Variants in NOL10 observed in about 807,000 individuals in gnomAD.
NOL10 encodes nucleolar protein 10, also known as H_NH0074G24.1.
A neutral mutation model predicts 103.5 loss-of-function variants in NOL10; 58 were observed. That is an observed-to-expected ratio of 0.56 (90% CI 0.45 to 0.70). NOL10 has a LOEUF of 0.70. Ranked by LOEUF, NOL10 falls within the 30% of genes least tolerant of loss-of-function variation. The pLI is 0.00. For synonymous variants in NOL10, 287 were observed against 282.5 expected (o/e 1.02, Z -0.16); for missense variants, 763 against 807.3 (o/e 0.95, Z 0.67).
At chr2:10,659,047 A>G (rs1470262875) in intron 10 of NOL10, 125 bp downstream of exon 10, 2 of 686,940 alleles carry the variant, frequency 2.9e-6, no homozygotes, top group Non-Finnish European at 5.2e-6. Flanking sequence ...GCATTCTGGA[A>G]TACCCTCTGG....
chr2:10,675,760 AT>A, intron 4 of NOL10, 33 bp downstream of exon 4: 2 of 1,271,396 alleles, frequency 1.6e-6, no homozygotes, highest in South Asian at 1.4e-5. Flanking sequence ...ATAAAAAGCC[AT>A]TTTCATGAAT....
intron 19 of NOL10, 41 bp from the exon 20 acceptor site, chr2:10,577,779 T>C (rs1470777998): frequency 1.5e-6 from 2 of 1,316,516 alleles, no homozygotes; most frequent in Admixed American, 4.1e-5. Flanking sequence ...ATCAAAATTA[T>C]GTTTTAATTT....
rs763949686 is a variant in NOL10 at position 10,607,168 on chromosome 2, C to A, written c.1153+17G>T. 3 of 1,495,076 alleles carry A rather than the reference C, an allele frequency of 2.0e-6. No individual in the cohort carries two copies. The highest frequency in any genetic ancestry group is 1.3e-5 in the South Asian group (1 of 78,090). The allele number at this position is 1,495,076 out of a possible 1,614,324, so 92.6% of individuals were successfully genotyped here. A position where few individuals can be genotyped will look rare whatever the true frequency, so the allele number is the denominator to read the frequency against. On this transcript the variant is annotated intron_variant, in intron 14 of 20. Coordinates refer to ENST00000381685, the MANE Select transcript of NOL10 (RefSeq NM_024894.4). ...ATAAAGTAATTACATAATATTTCAT[C>A]ACAATTTTTTTTTTACCTAAATTTT...
intron 13 of NOL10, among the ~76,000 whole-genome samples, chr2:10,616,870 G>T (rs1676860973): frequency 6.6e-6 from 1 of 152,048 alleles, no homozygotes; most frequent in Non-Finnish European, 1.5e-5. Context: ...ATAAGAACAG[G>T]TTGCCTAAGC....
At chr2:10,652,150 G>C (rs1679507958) in intron 12 of NOL10, among the ~76,000 whole-genome samples, 1 of 152,016 alleles carries the variant, frequency 6.6e-6, no homozygotes, top group African/African-American at 2.4e-5. Flanking sequence ...TGAGGCAGGA[G>C]AATCGCTTGA....
At chr2:10,648,997 T>C (rs1388755851) in intron 12 of NOL10, among the ~76,000 whole-genome samples, 1 of 151,982 alleles carries the variant, frequency 6.6e-6, no homozygotes, top group Non-Finnish European at 1.5e-5. Flanking sequence ...AAAAAGGGCA[T>C]ATGGGGAACA....
chr2:10,664,901 T>C (rs892578110), intron 8 of NOL10, among the ~76,000 whole-genome samples: 3 of 147,748 alleles, frequency 2.0e-5, no homozygotes, highest in Non-Finnish European at 3.1e-5. Flanking sequence ...CAGCAAATTA[T>C]TAACAGTATT....
intron 13 of NOL10, among the ~76,000 whole-genome samples, chr2:10,629,024 C>G (rs965104029): frequency 1.1e-4 from 16 of 152,040 alleles, no homozygotes; most frequent in South Asian, 2.1e-4. Context: ...CCCCCCAGAG[C>G]GAATGGACAG....
Position 10,663,117 on chromosome 2 carries a change from A to G in NOL10, c.592-73T>C. On this transcript the variant is annotated intron_variant, in intron 8 of 20. Coordinates refer to ENST00000381685, the MANE Select transcript of NOL10 (RefSeq NM_024894.4). ...CATGGTGGCTCATGCCTGTAATCCCAGCACTTTGGGAGGCCGAGGCGGGCT... is the reference window on the plus strand; with the variant it reads ...CATGGTGGCTCATGCCTGTAATCCCGGCACTTTGGGAGGCCGAGGCGGGCT... The G allele has an allele frequency of 2.3e-6, 3 of 1,290,662 alleles. No homozygotes were observed. In the Admixed American group the frequency reaches 5.5e-5, roughly 24 times the overall value. The allele number at this position is 1,290,662 out of a possible 1,614,324, so 80.0% of individuals were successfully genotyped here.
intron 1 of NOL10, among the ~76,000 whole-genome samples, chr2:10,685,499 CCCCCCCCCGCCA>C (rs778695656): frequency 0.34 from 16,229 of 47,824 alleles, 1,578 homozygotes; most frequent in Non-Finnish European, 0.46. Context: ...CCCCCCCCCC[CCCCCCCCCGCCA>C]AAAAAAAAGA....
At chr2:10,673,002 AAG>A (rs1681051794) in intron 5 of NOL10, among the ~76,000 whole-genome samples, 1 of 152,182 alleles carries the variant, frequency 6.6e-6, no homozygotes, top group Admixed American at 6.5e-5. Flanking sequence ...TCCAAAAAAA[AAG>A]AGTTGAAAGA....
At chr2:10,575,731 T>G (rs926216005) in intron 20 of NOL10, among the ~76,000 whole-genome samples, 4 of 152,222 alleles carry the variant, frequency 2.6e-5, no homozygotes, top group Non-Finnish European at 1.5e-5. Context: ...GAGGGGCCTC[T>G]GCAGGAGCTG....
intron 12 of NOL10, among the ~76,000 whole-genome samples, chr2:10,653,125 G>A (rs1196444490): frequency 6.6e-6 from 1 of 150,522 alleles, no homozygotes; most frequent in African/African-American, 2.4e-5. Context: ...GAACCCAGGA[G>A]AAGAGGTTGC....
In NOL10 at chr2:10,680,299, AGGAGAAGAG is replaced by A. The variant is rs1318059594; in HGVS notation, c.211+1663_211+1671del. On this transcript the variant is annotated intron_variant, in intron 3 of 20. Transcript: ENST00000381685. ...AAAAAGAAGGAGAAGAAGGAGAAGAAGGAGAAGAGGGAGAAGAGGGAGAAGAGGGAGAGG... is the reference window on the plus strand; with the variant it reads ...AAAAAGAAGGAGAAGAAGGAGAAGAAGGAGAAGAGGGAGAAGAGGGAGAGG... Among the ~76,000 whole-genome samples the A allele has an allele frequency of 7.4e-3, 781 of 105,082 alleles. 6 individuals are homozygous for A. The highest frequency in any genetic ancestry group is 0.023 in the African/African-American group (698 of 30,954). 68.9% of individuals were successfully genotyped at this position (105,082 alleles called of 152,430 possible).
At chr2:10,578,578 A>G (rs1329320217) in intron 19 of NOL10, among the ~76,000 whole-genome samples, 2 of 152,132 alleles carry the variant, frequency 1.3e-5, no homozygotes, top group African/African-American at 4.8e-5. Context: ...CATCTGTGTA[A>G]TTAACACAAT....
intron 17 of NOL10, among the ~76,000 whole-genome samples, chr2:10,594,945 T>C (rs1243715783): frequency 1.3e-5 from 2 of 152,124 alleles, no homozygotes; most frequent in African/African-American, 4.8e-5. Flanking sequence ...TGCAGTAAGC[T>C]ATGATTCTGC....
chr2:10,675,952 G>T, intron 3 of NOL10, 81 bp from the exon 4 acceptor site: 1 of 657,650 alleles, frequency 1.5e-6, no homozygotes, highest in Non-Finnish European at 2.5e-6. Flanking sequence ...TGTACTTCTT[G>T]TTCAGAGACA....
intron 12 of NOL10, among the ~76,000 whole-genome samples, chr2:10,653,909 A>G (rs1679650686): frequency 6.6e-6 from 1 of 152,302 alleles, no homozygotes; most frequent in East Asian, 1.9e-4. Flanking sequence ...CTCTCTATCA[A>G]GATGATCTGG....
Position 10,663,034 on chromosome 2 carries a change from T to A in NOL10, c.602A>T (p.Glu201Val). The A allele has an allele frequency of 1.9e-6, 3 of 1,613,740 alleles. No homozygotes were observed. Among genetic ancestry groups the A allele is most frequent in the Non-Finnish European group, 2.5e-6 (3 of 1,179,682 alleles). Reference sequence around the variant, plus strand: ...GTTTCGAGTTCTTGGGTCCCAGCACTCCACTCTACCCTATGCAAATGAAAA... The same window carrying A: ...GTTTCGAGTTCTTGGGTCCCAGCACACCACTCTACCCTATGCAAATGAAAA... ...FATGTIEGRV[E>V]CWDPRTRNRV... The change falls in exon 9 of 21, where the codon GAG (glutamate) becomes GTG (valine). Residue 201 changes from glutamate (E) to valine (V), a missense_variant. Transcript: ENST00000381685.
Sources: allele counts gnomAD v4.1 joint callset (sites outside exome capture counted in the v4.1 genomes callset), GRCh38; gene constraint gnomAD v4.1.1; transcripts MANE v1.5; gene names NCBI Gene and HGNC (gene_info 2026-07-23, HGNC 2026-07-21).